The following MAST4 variants were observed in gnomAD, a reference collection of about 807,000 sequenced individuals.
MAST4 encodes microtubule associated serine/threonine kinase family member 4.
In MAST4, 89 loss-of-function variants were observed where a neutral mutation model predicts 162.7. The observed-to-expected ratio is 0.55, with a 90% confidence interval of 0.46 to 0.65. The LOEUF is 0.65. Ranked by LOEUF, MAST4 falls within the 30% of genes least tolerant of loss-of-function variation. MAST4 has a pLI of 0.00. For missense variants in MAST4, 3,153 were observed against 3,374.0 expected, an observed-to-expected ratio of 0.93 and a Z score of 1.62; for synonymous variants, 1,479 against 1,361.1, an observed-to-expected ratio of 1.09 and a Z score of -1.91.
chr5:66,919,910 TTCCTTCCTTCCTTCCTTCCTTCCTTC>T (rs1287911542), intron 4 of MAST4, among the ~76,000 whole-genome samples: 2 of 3,708 alleles, frequency 5.4e-4, no homozygotes. Context: ...CCTTCCTTCC[TTCCTTCCTTCCTTCCTTCCTTCCTTC>T]CTTCCTTCCT....
At chr5:66,979,536 G>T (rs374712114) in intron 4 of MAST4, among the ~76,000 whole-genome samples, 1 of 152,182 alleles carries the variant, frequency 6.6e-6, no homozygotes, top group African/African-American at 2.4e-5. Context: ...CTCTAGATCC[G>T]CTAGAGATGC....
chr5:66,980,137 T>G (rs1032894238), intron 4 of MAST4, among the ~76,000 whole-genome samples: 2 of 151,620 alleles, frequency 1.3e-5, no homozygotes, highest in Non-Finnish European at 2.9e-5. Flanking sequence ...GCTGGGGGAG[T>G]AGATGAAATT....
intron 1 of MAST4, among the ~76,000 whole-genome samples, chr5:66,659,309 T>C (rs1003483716): frequency 1.4e-4 from 21 of 152,224 alleles, no homozygotes; most frequent in Non-Finnish European, 2.1e-4. Flanking sequence ...CCTTGTTTGA[T>C]AGCTGGGAAG....
intron 3 of MAST4, among the ~76,000 whole-genome samples, chr5:66,847,264 G>C (rs139756051): frequency 6.6e-5 from 10 of 152,326 alleles, no homozygotes; most frequent in Admixed American, 1.3e-4. Flanking sequence ...GTCTAGCAGA[G>C]TGAATTTCTG....
intron 4 of MAST4, among the ~76,000 whole-genome samples, chr5:66,979,925 G>C (rs928251216): frequency 6.6e-6 from 1 of 152,196 alleles, no homozygotes; most frequent in African/African-American, 2.4e-5. Context: ...TTATGGATCT[G>C]ACCAAATTTT....
intron 18 of MAST4, 114 bp from the exon 19 acceptor site, chr5:67,136,449 C>T (rs1048668896): frequency 1.8e-5 from 13 of 706,856 alleles, no homozygotes; most frequent in Admixed American, 1.7e-4. Flanking sequence ...TTAGTAGGTC[C>T]GGAGTGGGCC....
chr5:66,841,619 G>A (rs1758432213), intron 3 of MAST4, among the ~76,000 whole-genome samples: 2 of 151,986 alleles, frequency 1.3e-5, no homozygotes, highest in South Asian at 4.2e-4. Context: ...TTTTAATAAG[G>A]GCATTAATCC....
chr5:66,800,062 A>T (rs1755841624), intron 3 of MAST4, among the ~76,000 whole-genome samples: 1 of 152,186 alleles, frequency 6.6e-6, no homozygotes, highest in Non-Finnish European at 1.5e-5. Context: ...AGTTTCATTA[A>T]ATGTACATCC....
chr5:67,053,162 TGATG>T (rs935390843), intron 4 of MAST4, among the ~76,000 whole-genome samples: 16 of 152,150 alleles, frequency 1.1e-4, no homozygotes, highest in African/African-American at 3.6e-4. Flanking sequence ...GAAAATAAAG[TGATG>T]CAGCCTGACC....
intron 4 of MAST4, among the ~76,000 whole-genome samples, chr5:66,958,051 C>A (rs993159241): frequency 6.6e-6 from 1 of 152,118 alleles, no homozygotes. Flanking sequence ...GACTTCATAG[C>A]CTTTGAAATA....
intron 1 of MAST4, among the ~76,000 whole-genome samples, chr5:66,609,874 G>T (rs1743179321): frequency 6.6e-6 from 1 of 151,932 alleles, no homozygotes; most frequent in African/African-American, 2.4e-5. Context: ...CCAACCAAAA[G>T]AAACCACCAT....
intron 1 of MAST4, among the ~76,000 whole-genome samples, chr5:66,711,456 C>T (rs1750490789): frequency 6.6e-6 from 1 of 152,188 alleles, no homozygotes; most frequent in African/African-American, 2.4e-5. Flanking sequence ...CTTCCATCCT[C>T]AAAGCATATA....
At chr5:66,844,806 G>A (rs1758695804) in intron 3 of MAST4, among the ~76,000 whole-genome samples, 2 of 151,988 alleles carry the variant, frequency 1.3e-5, no homozygotes, top group African/African-American at 4.8e-5. Context: ...CAGAAGCCTG[G>A]CATCAGTGGT....
At chr5:66,935,361 A>G (rs1742623252) in intron 4 of MAST4, among the ~76,000 whole-genome samples, 2 of 152,112 alleles carry the variant, frequency 1.3e-5, no homozygotes, top group Admixed American at 6.5e-5. Context: ...TTATGAGAGT[A>G]ATTACCATCT....
Position 66,929,423 on chromosome 5 carries a change from A to G in MAST4, c.674+29441A>G, listed in dbSNP as rs1249066061. Among the ~76,000 whole-genome samples the G allele has an allele frequency of 2.6e-5, 4 of 152,266 alleles. No homozygotes were observed. In the East Asian group the frequency reaches 7.7e-4, roughly 29 times the overall value. ...TCTTCTTCACTTAGTTCATGGACTCATATGTCAATCAGTCTCCTCTGGACA... is the reference window on the plus strand; with the variant it reads ...TCTTCTTCACTTAGTTCATGGACTCGTATGTCAATCAGTCTCCTCTGGACA... On this transcript the variant is annotated intron_variant, in intron 4 of 28. Coordinates refer to ENST00000403625, the MANE Select transcript of MAST4 (RefSeq NM_001164664.2).
chr5:66,653,516 G>A (rs188842846), intron 1 of MAST4, among the ~76,000 whole-genome samples: 250 of 152,288 alleles, frequency 1.6e-3, no homozygotes, highest in Non-Finnish European at 1.8e-3. Context: ...ATACTTCAGT[G>A]TTGCATTCAA....
In MAST4 at chr5:66,811,986, A is replaced by G. The variant is rs530443592; in HGVS notation, c.642+23192A>G. On this transcript the variant is annotated intron_variant, in intron 3 of 28. Coordinates refer to ENST00000403625, the MANE Select transcript of MAST4 (RefSeq NM_001164664.2). ...TACAGGGGAGTACGTGAGTGCCCTA[A>G]TTTTACAAATGAAGCAGTTGATGGC... 2.0e-5 allele frequency among the ~76,000 whole-genome samples: 3 copies of G among 152,304 alleles called. No homozygotes were observed. The East Asian group carries it at 5.8e-4, about 29-fold the overall frequency.
intron 21 of MAST4, among the ~76,000 whole-genome samples, chr5:67,143,767 A>G (rs540065953): frequency 1.3e-5 from 2 of 152,148 alleles, no homozygotes; most frequent in Non-Finnish European, 2.9e-5. Flanking sequence ...GTGGACTCAG[A>G]CCAGGACTGT....
At chr5:66,833,324 G>A (rs192722449) in intron 3 of MAST4, among the ~76,000 whole-genome samples, 47 of 152,254 alleles carry the variant, frequency 3.1e-4, no homozygotes, top group Admixed American at 1.8e-3. Flanking sequence ...ATCAAAGTAT[G>A]TCTAGAGGCT....
Sources: allele counts gnomAD v4.1 joint callset (sites outside exome capture counted in the v4.1 genomes callset), GRCh38; gene constraint gnomAD v4.1.1; transcripts MANE v1.5; gene names NCBI Gene and HGNC (gene_info 2026-07-23, HGNC 2026-07-21).